Variants in ROBO1 observed in about 807,000 individuals in gnomAD.
ROBO1 encodes roundabout guidance receptor 1.
ROBO1 carries 149 observed loss-of-function variants against 195.9 expected under a neutral mutation model. The ratio of observed to expected loss-of-function variants is 0.76; its 90% confidence interval spans 0.67 to 0.87. ROBO1 has a LOEUF of 0.87. Ranked by LOEUF, ROBO1 falls within the 40% of genes least tolerant of loss-of-function variation. ROBO1 has a pLI of 0.00. For missense variants in ROBO1, 1,933 were observed against 2,068.3 expected (o/e 0.93, Z 1.27); for synonymous variants, 816 against 733.2 (o/e 1.11, Z -1.82).
chr3:78,945,068 C>T (rs1016841973), intron 3 of ROBO1, among the ~76,000 whole-genome samples: 8 of 152,182 alleles, frequency 5.3e-5, no homozygotes, highest in Non-Finnish European at 1.2e-4. Flanking sequence ...GGCCTGCCTG[C>T]CCCTGTAGGC....
At chr3:78,693,870 G>T (rs11714414) in intron 8 of ROBO1, among the ~76,000 whole-genome samples, 5 of 151,944 alleles carry the variant, frequency 3.3e-5, no homozygotes, top group Non-Finnish European at 7.4e-5. Flanking sequence ...TACGCAAATA[G>T]GCATGAGTCA....
At chr3:78,866,364 A>G (rs1338153517) in intron 4 of ROBO1, among the ~76,000 whole-genome samples, 1 of 152,228 alleles carries the variant, frequency 6.6e-6, no homozygotes, top group Non-Finnish European at 1.5e-5. Flanking sequence ...CCCTCGGATC[A>G]CCAGTGCCTA....
chr3:79,765,607 CCCAG>C, intron 1 of ROBO1, among the ~76,000 whole-genome samples: 1 of 152,134 alleles, frequency 6.6e-6, no homozygotes, highest in South Asian at 2.1e-4. Context: ...GGCCTGAAAA[CCCAG>C]TTATGAGGCT....
chr3:79,081,714 G>A (rs1298949542), intron 3 of ROBO1, among the ~76,000 whole-genome samples: 2 of 152,090 alleles, frequency 1.3e-5, no homozygotes, highest in Non-Finnish European at 2.9e-5. Flanking sequence ...CAAACTGCCT[G>A]GCTAAAGTTT....
At chr3:79,300,506 C>A (rs1321464167) in intron 2 of ROBO1, among the ~76,000 whole-genome samples, 1 of 152,202 alleles carries the variant, frequency 6.6e-6, no homozygotes, top group African/African-American at 2.4e-5. Context: ...CTCCCACCCC[C>A]TCCGTGGGCT....
intron 4 of ROBO1, among the ~76,000 whole-genome samples, chr3:78,819,085 G>A (rs1243449533): frequency 3.9e-5 from 6 of 152,122 alleles, no homozygotes; most frequent in Non-Finnish European, 2.9e-5. Flanking sequence ...ATATCGCCCC[G>A]TGGACAACAG....
chr3:79,113,565 C>T (rs959289194), intron 3 of ROBO1, among the ~76,000 whole-genome samples: 2 of 151,922 alleles, frequency 1.3e-5, no homozygotes, highest in African/African-American at 4.8e-5. Flanking sequence ...GTCAGGAGTT[C>T]GAGTCCAGCC....
At chr3:78,837,637 C>T (rs2032855984) in intron 4 of ROBO1, among the ~76,000 whole-genome samples, 1 of 151,948 alleles carries the variant, frequency 6.6e-6, no homozygotes, top group African/African-American at 2.4e-5. Context: ...TATGTGACAA[C>T]TTATCAGCTG....
chr3:78,696,144 A>G (rs1208666608), intron 8 of ROBO1, among the ~76,000 whole-genome samples: 2 of 140,070 alleles, frequency 1.4e-5, no homozygotes, highest in African/African-American at 2.7e-5. Context: ...AAAAAAAAAA[A>G]GCAGAGTAAC....
intron 3 of ROBO1, among the ~76,000 whole-genome samples, chr3:79,124,098 C>G (rs1284579451): frequency 6.6e-6 from 1 of 152,028 alleles, no homozygotes; most frequent in Non-Finnish European, 1.5e-5. Context: ...TGGATTCCTC[C>G]TTTCACAAAT....
intron 4 of ROBO1, among the ~76,000 whole-genome samples, chr3:78,827,662 G>A (rs938001711): frequency 3.9e-5 from 6 of 152,102 alleles, no homozygotes; most frequent in Non-Finnish European, 4.4e-5. Context: ...GTGGGGGTTC[G>A]AAGCTCTGAA....
intron 2 of ROBO1, among the ~76,000 whole-genome samples, chr3:79,479,956 A>G (rs1318918939): frequency 1.3e-5 from 2 of 152,330 alleles, no homozygotes; most frequent in Non-Finnish European, 2.9e-5. Flanking sequence ...TAAAAATTCA[A>G]TAGAAAATTT....
At chr3:78,838,258 C>G (rs72896405) in intron 4 of ROBO1, among the ~76,000 whole-genome samples, 4,160 of 152,226 alleles carry the variant, frequency 0.027, 138 homozygotes, top group African/African-American at 0.085. Context: ...AGCTGTCCAT[C>G]ATAATTAAAG....
intron 10 of ROBO1, among the ~76,000 whole-genome samples, chr3:78,685,056 T>A (rs942569726): frequency 1.3e-5 from 2 of 152,142 alleles, no homozygotes; most frequent in African/African-American, 4.8e-5. Context: ...TTTGAAAAAT[T>A]CTTGTAACAC....
chr3:79,634,904 A>T (rs1324208038), intron 1 of ROBO1, among the ~76,000 whole-genome samples: 1 of 152,202 alleles, frequency 6.6e-6, no homozygotes, highest in Non-Finnish European at 1.5e-5. Flanking sequence ...TAGCTTTCCA[A>T]CACAATTACA....
intron 2 of ROBO1, among the ~76,000 whole-genome samples, chr3:79,495,900 G>A (rs897828484): frequency 7.2e-5 from 11 of 152,090 alleles, no homozygotes; most frequent in South Asian, 4.2e-4. Context: ...ATTGCGTAGG[G>A]AAATAGGAAT....
At chr3:79,136,371 A>G (rs962038048) in intron 2 of ROBO1, among the ~76,000 whole-genome samples, 2 of 152,184 alleles carry the variant, frequency 1.3e-5, no homozygotes, top group African/African-American at 2.4e-5. Flanking sequence ...CCTACTTACT[A>G]TAAAGTGTCA....
At chr3:79,241,948 CT>C (rs11383398) in intron 2 of ROBO1, among the ~76,000 whole-genome samples, 7,511 of 145,646 alleles carry the variant, frequency 0.052, 297 homozygotes, top group African/African-American at 0.11. Context: ...TTAATTTAAG[CT>C]TTTTTTTTTT....
At chr3:79,619,190 C>T (rs536587227) in intron 1 of ROBO1, among the ~76,000 whole-genome samples, 1 of 152,252 alleles carries the variant, frequency 6.6e-6, no homozygotes, top group East Asian at 1.9e-4. Context: ...ACCCACATTC[C>T]CTTAGTGGCA....
Sources: gnomAD v4.1 joint callset for allele counts (sites outside exome capture counted in the v4.1 genomes callset) on GRCh38, gnomAD v4.1.1 for gene constraint, MANE v1.5 for transcripts, NCBI Gene and HGNC (gene_info 2026-07-23, HGNC 2026-07-21) for gene names.